The following GRM5 variants were observed in gnomAD, a reference collection of about 807,000 sequenced individuals.
GRM5 encodes the protein metabotropic glutamate receptor 5.
In GRM5, 19 loss-of-function variants were observed where a neutral mutation model predicts 83.1. The ratio of observed to expected loss-of-function variants is 0.23; its 90% CI spans 0.16 to 0.34. GRM5 has a LOEUF of 0.34. GRM5 is among the 10% of genes least tolerant of loss of function. The probability of loss-of-function intolerance (pLI) is 1.00; values close to 1 mark genes in which losing one functional copy is unlikely to be tolerated. For synonymous variants in GRM5, 675 were observed against 633.6 expected, an observed-to-expected ratio of 1.07 and a Z score of -0.98; for missense variants, 1,160 against 1,588.3, an observed-to-expected ratio of 0.73 and a Z score of 4.58.
chr11:88,780,834 G>C (rs1192290846), intron 3 of GRM5, among the ~76,000 whole-genome samples: 1 of 151,864 alleles, frequency 6.6e-6, no homozygotes, highest in Admixed American at 6.6e-5. Flanking sequence ...TTTTCCTATT[G>C]AAAAAGTGTT....
chr11:88,973,222 G>C (rs979807344), intron 2 of GRM5, among the ~76,000 whole-genome samples: 3 of 152,052 alleles, frequency 2.0e-5, no homozygotes, highest in Admixed American at 6.6e-5. Flanking sequence ...GTGGCTATGT[G>C]GCAAAATGTT....
chr11:88,701,139 G>T (rs1409252255), intron 3 of GRM5, among the ~76,000 whole-genome samples: 2 of 152,132 alleles, frequency 1.3e-5, no homozygotes, highest in African/African-American at 4.8e-5. Context: ...AGATTTAGCT[G>T]CCACTCAGCC....
chr11:89,062,996 T>C (rs558929221), intron 1 of GRM5, among the ~76,000 whole-genome samples: 31 of 152,372 alleles, frequency 2.0e-4, no homozygotes, highest in South Asian at 4.1e-4. Flanking sequence ...AGAGGCAATA[T>C]AGCCTGAGTG....
Position 88,850,159 on chromosome 11 carries a change from T to G in GRM5, c.662-4A>C, listed in dbSNP as rs1261358827. On this transcript the variant is annotated splice_polypyrimidine_tract_variant and splice_region_variant and intron_variant, in intron 2 of 9. Coordinates refer to ENST00000305447, the MANE Select transcript of GRM5 (RefSeq NM_001143831.3). ...ATCCCACTTTCTCCATAGTTGCCTG[T>G]GTGAAAACATAGATAAGCAGAGGGA... 8.4e-7 allele frequency: 1 copy of G among 1,196,680 alleles called. No individual in the cohort carries two copies. The highest frequency in any genetic ancestry group is 2.3e-5 in the East Asian group (1 of 42,796). The allele number at this position is 1,196,680 out of a possible 1,614,324, so 74.1% of individuals were successfully genotyped here.
chr11:88,700,584 AG>A (rs34719713), intron 3 of GRM5, among the ~76,000 whole-genome samples: 85,811 of 151,914 alleles, frequency 0.56, 26,965 homozygotes, highest in South Asian at 0.8. Context: ...TGAAATCAAA[AG>A]TATTTTCCAT....
intron 7 of GRM5, among the ~76,000 whole-genome samples, chr11:88,581,465 C>A (rs1943211968): frequency 6.6e-6 from 1 of 152,134 alleles, no homozygotes; most frequent in South Asian, 2.1e-4. Context: ...ATGTTTGACT[C>A]CAAAACCTTT....
At chr11:88,931,953 T>C (rs748778344) in intron 2 of GRM5, among the ~76,000 whole-genome samples, 1 of 152,088 alleles carries the variant, frequency 6.6e-6, no homozygotes, top group African/African-American at 2.4e-5. Context: ...TCTCATCTAT[T>C]AGGAGAAAGA....
Position 88,516,750 on chromosome 11 carries a change from G to A in GRM5, c.2727-7246C>T, listed in dbSNP as rs180879259. Among the ~76,000 whole-genome samples the A allele has an allele frequency of 9.5e-4, 145 of 152,016 alleles. 1 individual carries two copies. The highest frequency in any genetic ancestry group is 3.3e-3 in the African/African-American group (136 of 41,474). On this transcript the variant is annotated intron_variant, in intron 9 of 9. Coordinates refer to ENST00000305447, the MANE Select transcript of GRM5 (RefSeq NM_001143831.3). ...TTTTTTTTTTAATTGGATAAAATGGGCATATGCCTTATATCTGTCAGTTCT... is the reference window on the plus strand; with the variant it reads ...TTTTTTTTTTAATTGGATAAAATGGACATATGCCTTATATCTGTCAGTTCT...
At chr11:88,830,107 A>G (rs1943960808) in intron 3 of GRM5, among the ~76,000 whole-genome samples, 1 of 152,028 alleles carries the variant, frequency 6.6e-6, no homozygotes, top group African/African-American at 2.4e-5. Flanking sequence ...AAACAAAACA[A>G]ATAATGGAAA....
rs572133253 is a variant in GRM5 at position 88,548,932 on chromosome 11, G to A, written c.2630+18121C>T. Among the ~76,000 whole-genome samples the A allele has an allele frequency of 2.6e-5, 4 of 152,246 alleles. No individual in the cohort carries two copies. The South Asian group carries it at 8.3e-4, about 32-fold the overall frequency. Reference sequence around the variant, plus strand: ...CACCAAATTAGTTGCTGAGGGTGGAGGCAAAGAAAGCAATGCCTGCAAGAA... The same window carrying A: ...CACCAAATTAGTTGCTGAGGGTGGAAGCAAAGAAAGCAATGCCTGCAAGAA... On this transcript the variant is annotated intron_variant, in intron 8 of 9. Transcript: ENST00000305447.
At chr11:88,646,306 A>G (rs1939444706) in intron 4 of GRM5, among the ~76,000 whole-genome samples, 1 of 152,026 alleles carries the variant, frequency 6.6e-6, no homozygotes, top group South Asian at 2.1e-4. Flanking sequence ...AATACTTCTT[A>G]TTACTTTTAA....
At chr11:88,947,443 C>T (rs1252294034) in intron 2 of GRM5, among the ~76,000 whole-genome samples, 4 of 152,114 alleles carry the variant, frequency 2.6e-5, no homozygotes, top group Admixed American at 6.6e-5. Flanking sequence ...AGCTTCACCT[C>T]CTGACTCAAA....
At chr11:88,748,046 AAAGGAACCCC>A (rs1942180163) in intron 3 of GRM5, among the ~76,000 whole-genome samples, 1 of 152,184 alleles carries the variant, frequency 6.6e-6, no homozygotes, top group Non-Finnish European at 1.5e-5. Flanking sequence ...GCAGAGAGCC[AAAGGAACCCC>A]CATCCCCAGG....
Position 88,694,044 on chromosome 11 carries a change from A to G in GRM5, c.912-40641T>C, listed in dbSNP as rs1281533379. Among the ~76,000 whole-genome samples the G allele has an allele frequency of 2.0e-5, 3 of 152,222 alleles. No individual in the cohort carries two copies. In the East Asian group the frequency reaches 5.8e-4, roughly 29 times the overall value. The stretch of plus-strand genomic sequence containing the variant: ...TTTTTGATCTGAATAAGTCACCTAA[A>G]TGCTCTGGCCTGGTTTTCTAATCTG... On this transcript the variant is annotated intron_variant, in intron 3 of 9. Coordinates refer to ENST00000305447, the MANE Select transcript of GRM5 (RefSeq NM_001143831.3).
At chr11:88,988,880 C>A (rs1242217530) in intron 2 of GRM5, among the ~76,000 whole-genome samples, 2 of 147,278 alleles carry the variant, frequency 1.4e-5, no homozygotes, top group African/African-American at 5.1e-5. Flanking sequence ...TGGAAAGGAA[C>A]AACCGGTACC....
intron 2 of GRM5, among the ~76,000 whole-genome samples, chr11:88,928,966 T>C (rs1286081545): frequency 6.6e-6 from 1 of 151,476 alleles, no homozygotes; most frequent in Non-Finnish European, 1.5e-5. Flanking sequence ...ATTTCTTTGG[T>C]ACTTTGGCTG....
intron 3 of GRM5, among the ~76,000 whole-genome samples, chr11:88,673,580 T>A (rs1280280166): frequency 6.6e-6 from 1 of 151,940 alleles, no homozygotes; most frequent in Non-Finnish European, 1.5e-5. Context: ...GGGAATGTGA[T>A]CACCCAATGA....
chr11:89,011,977 T>C (rs916200279), intron 2 of GRM5, among the ~76,000 whole-genome samples: 3 of 152,220 alleles, frequency 2.0e-5, no homozygotes, highest in African/African-American at 7.2e-5. Flanking sequence ...ATTCCAAAGC[T>C]AGTTCCATTA....
At position 88,990,906 on chromosome 11, in the gene GRM5, G is replaced by A. The variant is rs376117863; in HGVS notation, c.661+56306C>T. Among the ~76,000 whole-genome samples the A allele has an allele frequency of 3.9e-3, 585 of 151,922 alleles. 3 individuals carry two copies. The highest frequency in any genetic ancestry group is 0.013 in the African/African-American group (537 of 41,314). ...CTATGACAAACCCACAGCCAATATC[G>A]TACTGAATGGGCAAAAACTGGAAGC... On this transcript the variant is annotated intron_variant, in intron 2 of 9. Transcript: ENST00000305447.
Sources: gnomAD v4.1 joint callset for allele counts (sites outside exome capture counted in the v4.1 genomes callset) on GRCh38, gnomAD v4.1.1 for gene constraint, MANE v1.5 for transcripts, NCBI Gene and HGNC (gene_info 2026-07-23, HGNC 2026-07-21) for gene names.